The following GPX1 variants were observed in gnomAD, a reference collection of about 807,000 sequenced individuals.
GPX1 encodes the protein glutathione peroxidase 1.
A neutral mutation model predicts 11.5 loss-of-function variants in GPX1; 8 were observed. The ratio of observed to expected loss-of-function variants is 0.70; its 90% CI spans 0.41 to 1.25. The LOEUF is 1.25. GPX1 is among the 50% of genes most tolerant of loss of function. The probability of loss-of-function intolerance (pLI) is 0.01; values close to 1 mark genes in which losing one functional copy is unlikely to be tolerated. For missense variants in GPX1, 266 were observed against 284.3 expected (o/e 0.94, Z 0.46); for synonymous variants, 142 against 127.8 (o/e 1.11, Z -0.75).
At position 49,357,416 on chromosome 3, in the gene GPX1, A is replaced by T; in HGVS notation, c.584T>A (p.Leu195Gln). The change falls in exon 2 of 2, where the codon CTG becomes CAG. Residue 195 changes from leucine to glutamine, a missense_variant. Coordinates refer to ENST00000419783, the MANE Select transcript of GPX1 (RefSeq NM_000581.4). ...TIDIEPDIEA[L>Q]LSQGPSCA is the part of the protein sequence containing the mutation. ...GGCACAGCTGGGCCCTTGAGACAGCAGGGCTTCGATGTCAGGCTCGATGTC... is the reference window on the plus strand; with the variant it reads ...GGCACAGCTGGGCCCTTGAGACAGCTGGGCTTCGATGTCAGGCTCGATGTC... 6 of 1,611,720 alleles carry T rather than the reference A, an allele frequency of 3.7e-6. No individual in the cohort carries two copies. The highest frequency in any genetic ancestry group is 5.1e-6 in the Non-Finnish European group (6 of 1,178,624).
chr3:49,357,997 C>G, intron 1 of GPX1, 30 bp downstream of exon 1: 3 of 1,575,084 alleles, frequency 1.9e-6, no homozygotes, highest in Non-Finnish European at 1.7e-6. Flanking sequence ...GCACGTCCGC[C>G]CCCGCCCCGC....
intron 1 of GPX1, 77 bp from the exon 2 acceptor site, chr3:49,357,824 T>C: frequency 6.5e-7 from 1 of 1,534,378 alleles, no homozygotes; most frequent in East Asian, 2.3e-5. Flanking sequence ...AAGGGAGATT[T>C]TCTATGAGTC....
Position 49,358,067 on chromosome 3 carries a change from A to C in GPX1, c.212T>G (p.Leu71Arg). 6.2e-7 allele frequency: 1 copy of C among 1,611,248 alleles called. No individual in the cohort carries two copies. The highest frequency in any genetic ancestry group is 8.5e-7 in the Non-Finnish European group (1 of 1,179,470). ...GTTGCACGGGAAGCCGAGCACCACC[A>C]GGCCCCGGGGTCCGAGGCGCCGCTG... ...ELQRRLGPRG[L>R]VVLGFPCNQF... Residue 71 changes from leucine to arginine, a missense_variant, in exon 1 of 2, where the codon CTG becomes CGG. Coordinates refer to ENST00000419783, the MANE Select transcript of GPX1 (RefSeq NM_000581.4).
In GPX1 at chr3:49,357,331, A is replaced by C; in HGVS notation, c.*57T>G. On this transcript the variant is annotated 3_prime_UTR_variant, in exon 2 of 2. Transcript: ENST00000419783. ...TAGAGGAAACACCCTCATAGATGAA[A>C]ACCCCCCCGAGACAGCAGCACTGCA... is the stretch of plus-strand genomic sequence containing the variant. The C allele has an allele frequency of 2.6e-6, 4 of 1,530,754 alleles. No individual in the cohort carries two copies. The highest frequency in any genetic ancestry group is 2.7e-6 in the Non-Finnish European group (3 of 1,123,952). 94.8% of individuals were successfully genotyped at this position (1,530,754 alleles called of 1,614,324 possible).
In GPX1 at chr3:49,357,688, C is replaced by A. The variant is rs747640693; in HGVS notation, c.312G>T (p.Gly104=). The A allele has an allele frequency of 5.6e-6, 9 of 1,612,886 alleles. No homozygotes were observed. The highest frequency in any genetic ancestry group is 1.3e-5 in the African/African-American group (1 of 75,038). The change falls in exon 2 of 2, where the codon GGG becomes GGT. Residue 104 remains glycine (G), a synonymous_variant. Transcript: ENST00000419783. ...NSLKYVRPGG[G]FEPNFMLFEK... ...CGAAGAGCATGAAGTTGGGCTCGAA[C>A]CCACCACCAGGCCGGACGTACTTGA...
In GPX1 at chr3:49,358,139, G is replaced by A. The variant is rs1472854697; in HGVS notation, c.140C>T (p.Ser47Phe). ...GTCCCGGACCGTGGTGCCTCAGAGG[G>A]ACGCCACATTCTCGATAAGTAGTAC... is the stretch of plus-strand genomic sequence containing the variant. Reference protein sequence around the residue: ...GKVLLIENVASLUGTTVRDYT... With the variant: ...GKVLLIENVAFLUGTTVRDYT... The change falls in exon 1 of 2, where the codon TCC becomes TTC. Residue 47 changes from serine (S) to phenylalanine (F), a missense_variant. Physicochemically the swap from Ser to Phe is radical, Grantham distance 155. Transcript: ENST00000419783. 1.7e-5 allele frequency: 27 copies of A among 1,608,674 alleles called. No individual in the cohort carries two copies. The highest frequency in any genetic ancestry group is 2.0e-5 in the Non-Finnish European group (23 of 1,178,608).
Position 49,358,333 on chromosome 3 carries a change from G to C in GPX1, c.-55C>G. 6.8e-7 allele frequency: 1 copy of C among 1,472,126 alleles called. No individual in the cohort carries two copies. The highest frequency in any genetic ancestry group is 9.0e-7 in the Non-Finnish European group (1 of 1,108,446). 91.2% of individuals were successfully genotyped at this position (1,472,126 alleles called of 1,614,324 possible). A position where few individuals can be genotyped will look rare whatever the true frequency, so the allele number is the denominator to read the frequency against. On this transcript the variant is annotated 5_prime_UTR_variant, in exon 1 of 2. Transcript: ENST00000419783. ...GCCCCGAACAAGCACTGTAAGGGGA[G>C]GCCAGCAGGCGCCTCCTTTTAACTG...
At position 49,357,492 on chromosome 3, in the gene GPX1, C is replaced by T. The variant is rs777627367; in HGVS notation, c.508G>A (p.Gly170Ser). 1.9e-6 allele frequency: 3 copies of T among 1,613,684 alleles called. No individual in the cohort carries two copies. In the Admixed American group the frequency reaches 5.0e-5, roughly 27 times the overall value. ...VAWNFEKFLV[G>S]PDGVPLRRYS... Reference sequence around the variant, plus strand: ...CTGCGTAGGGGCACACCGTCAGGGCCCACCAGGAACTTCTCAAAGTTCCAG... The same window carrying T: ...CTGCGTAGGGGCACACCGTCAGGGCTCACCAGGAACTTCTCAAAGTTCCAG... Residue 170 changes from glycine to serine, a missense_variant, in exon 2 of 2, where the codon GGC (glycine) becomes AGC (serine). Coordinates refer to ENST00000419783, the MANE Select transcript of GPX1 (RefSeq NM_000581.4).
Position 49,358,324 on chromosome 3 carries a change from G to A in GPX1, c.-46C>T, listed in dbSNP as rs1800668. 450,302 of 1,500,264 alleles carry A rather than the reference G, an allele frequency of 0.3. 70,818 individuals are homozygous for A. The highest frequency in any genetic ancestry group is 0.33 in the Middle Eastern group (1,373 of 4,132). 92.9% of individuals were successfully genotyped at this position (1,500,264 alleles called of 1,614,324 possible). A position where few individuals can be genotyped will look rare whatever the true frequency, so the allele number is the denominator to read the frequency against. On this transcript the variant is annotated 5_prime_UTR_variant, in exon 1 of 2. Coordinates refer to ENST00000419783, the MANE Select transcript of GPX1 (RefSeq NM_000581.4). ...CAGCGGAGCGCCCCGAACAAGCACT[G>A]TAAGGGGAGGCCAGCAGGCGCCTCC...
rs758815179 is a variant in GPX1 at position 49,357,416 on chromosome 3, A to G, written c.584T>C (p.Leu195Pro). The stretch of plus-strand genomic sequence containing the variant: ...GGCACAGCTGGGCCCTTGAGACAGC[A>G]GGGCTTCGATGTCAGGCTCGATGTC... ...TIDIEPDIEA[L>P]LSQGPSCA Residue 195 changes from leucine (L) to proline (P), a missense_variant, in exon 2 of 2, where the codon CTG (leucine) becomes CCG (proline). By Grantham distance (98) the Leu-to-Pro change is moderately conservative (BLOSUM62 -3). Coordinates refer to ENST00000419783, the MANE Select transcript of GPX1 (RefSeq NM_000581.4). 2 of 1,611,720 alleles carry G rather than the reference A, an allele frequency of 1.2e-6. No homozygotes were observed. The highest frequency in any genetic ancestry group is 2.2e-5 in the South Asian group (2 of 91,038).
rs1057133505 is a variant in GPX1 at position 49,357,748 on chromosome 3, C to T, written c.253-1G>A. ...GAATCTCTTCGTTCTTGGCGTTCTC[C>T]TACAGGAGAGAAGGGCAGCTAGAAC... On this transcript the variant is annotated splice_acceptor_variant, in intron 1 of 1. Coordinates refer to ENST00000419783, the MANE Select transcript of GPX1 (RefSeq NM_000581.4). LOFTEE classifies it high-confidence loss of function. The T allele has an allele frequency of 6.3e-7, 1 of 1,599,694 alleles. No individual in the cohort carries two copies. The highest frequency in any genetic ancestry group is 8.6e-7 in the Non-Finnish European group (1 of 1,169,364).
Position 49,357,899 on chromosome 3 carries a change from C to T in GPX1, c.252+128G>A, listed in dbSNP as rs576821945. On this transcript the variant is annotated intron_variant, in intron 1 of 1. Coordinates refer to ENST00000419783, the MANE Select transcript of GPX1 (RefSeq NM_000581.4). The stretch of plus-strand genomic sequence containing the variant: ...GAGGAATTTCAGCAGCTACGAGCAA[C>T]AGAAAGGAAACGAGAGAGTAGCCAG... 728 of 1,508,422 alleles carry T rather than the reference C, an allele frequency of 4.8e-4. 4 individuals are homozygous for T. The African/African-American group carries it at 9.1e-3, about 19-fold the overall frequency. 93.4% of individuals were successfully genotyped at this position (1,508,422 alleles called of 1,614,324 possible).
intron 1 of GPX1, 123 bp downstream of exon 1, chr3:49,357,904 A>C: frequency 6.7e-7 from 1 of 1,502,560 alleles, no homozygotes; most frequent in Non-Finnish European, 8.9e-7. Context: ...AGCAACAGAA[A>C]GGAAACGAGA....
chr3:49,357,821 A>AT, intron 1 of GPX1, 74 bp from the exon 2 acceptor site: 1 of 1,536,120 alleles, frequency 6.5e-7, no homozygotes, highest in Non-Finnish European at 8.8e-7. Flanking sequence ...AACAAGGGAG[A>AT]TTTTCTATGA....
In GPX1 at chr3:49,357,767, C is replaced by G; in HGVS notation, c.253-20G>C. On this transcript the variant is annotated intron_variant, in intron 1 of 1. Transcript: ENST00000419783. The stretch of plus-strand genomic sequence containing the variant: ...GTTCTCCTACAGGAGAGAAGGGCAG[C>G]TAGAACCCGGGGTCAAGAGGAGGAG... 6.3e-7 allele frequency: 1 copy of G among 1,589,036 alleles called. No homozygotes were observed.
rs2047878840 is a variant in GPX1 at position 49,358,067 on chromosome 3, AGGCCCCGGG to A, written c.203_211del (p.Pro68_Gly70del). 1 of 1,611,130 alleles carries A rather than the reference AGGCCCCGGG, an allele frequency of 6.2e-7. No homozygotes were observed. The highest frequency in any genetic ancestry group is 1.1e-5 in the South Asian group (1 of 90,956). On this transcript the variant is annotated inframe_deletion, in exon 1 of 2. Transcript: ENST00000419783. ...GTTGCACGGGAAGCCGAGCACCACC[AGGCCCCGGG>A]GTCCGAGGCGCCGCTGCAGCTCGTT...
rs368623389 is a variant in GPX1 at position 49,358,013 on chromosome 3, T to C, written c.252+14A>G. On this transcript the variant is annotated intron_variant, in intron 1 of 1. Transcript: ENST00000419783. The stretch of plus-strand genomic sequence containing the variant: ...CACGTCCGCCCCCGCCCCGCCCCGC[T>C]CCGCCCGGCGCACCTGATGCCCAAA... 105 of 1,602,182 alleles carry C rather than the reference T, an allele frequency of 6.6e-5. No individual in the cohort carries two copies. The highest frequency in any genetic ancestry group is 4.5e-4 in the East Asian group (20 of 44,540).
chr3:49,358,129 G>A lies in GPX1; in HGVS notation c.150C>T (p.Gly50=). The change falls in exon 1 of 2, where the codon GGC becomes GGT. Residue 50 remains glycine (G), a synonymous_variant. Coordinates refer to ENST00000419783, the MANE Select transcript of GPX1 (RefSeq NM_000581.4). Reference sequence around the variant, plus strand: ...TCTGGGTGTAGTCCCGGACCGTGGTGCCTCAGAGGGACGCCACATTCTCGA... The same window carrying A: ...TCTGGGTGTAGTCCCGGACCGTGGTACCTCAGAGGGACGCCACATTCTCGA... ...LLIENVASLU[G]TTVRDYTQMN... 3 of 1,609,914 alleles carry A rather than the reference G, an allele frequency of 1.9e-6. No individual in the cohort carries two copies. Among genetic ancestry groups the A allele is most frequent in the Non-Finnish European group, 2.5e-6 (3 of 1,179,130 alleles).
At position 49,358,234 on chromosome 3, in the gene GPX1, C is replaced by T. The variant is rs761244138; in HGVS notation, c.45G>A (p.Ser15=). The T allele has an allele frequency of 3.4e-6, 5 of 1,478,950 alleles. No individual in the cohort carries two copies. In the African/African-American group the frequency reaches 5.4e-5, roughly 16 times the overall value. 91.6% of individuals were successfully genotyped at this position (1,478,950 alleles called of 1,614,324 possible). A position where few individuals can be genotyped will look rare whatever the true frequency, so the allele number is the denominator to read the frequency against. ...RLAAAAAAAQ[S]VYAFSARPLA... ...GCGGGCGCGCCGAGAAGGCATACAC[C>T]GACTGGGCCGCCGCCGCCGCCGCCG... Residue 15 remains serine (S), a synonymous_variant, in exon 1 of 2, where the codon TCG becomes TCA. Transcript: ENST00000419783.
Sources: gnomAD v4.1 joint callset for allele counts on GRCh38, gnomAD v4.1.1 for gene constraint, MANE v1.5 for transcripts, NCBI Gene and HGNC (gene_info 2026-07-23, HGNC 2026-07-21) for gene names.